Variants in TRPM6 observed in about 807,000 individuals in gnomAD.
The protein encoded by TRPM6 is channel kinase 2.
In TRPM6, 111 loss-of-function variants were observed where a neutral mutation model predicts 247.6. The ratio of observed to expected loss-of-function variants is 0.45; its 90% confidence interval spans 0.38 to 0.52. The LOEUF is 0.52. TRPM6 is among the 20% of genes least tolerant of loss of function. The pLI is 0.00. For missense variants in TRPM6, 2,126 were observed against 2,421.5 expected (o/e 0.88, Z 2.56); for synonymous variants, 892 against 853.8 (o/e 1.04, Z -0.78).
At chr9:74,780,413 C>T (rs1254925704) in intron 23 of TRPM6, among the ~76,000 whole-genome samples, 1 of 150,488 alleles carries the variant, frequency 6.6e-6, no homozygotes, top group Non-Finnish European at 1.5e-5. Flanking sequence ...GAGATCGTGC[C>T]ATTGCACTCT....
Position 74,816,465 on chromosome 9 carries a change from GAAAAAAAAA to G in TRPM6, c.1308+195_1308+203del, listed in dbSNP as rs34100441. Among the ~76,000 whole-genome samples the G allele has an allele frequency of 8.2e-3, 772 of 93,662 alleles. 13 individuals carry two copies. The highest frequency in any genetic ancestry group is 0.03 in the African/African-American group (749 of 24,630). 61.4% of individuals were successfully genotyped at this position (93,662 alleles called of 152,430 possible). On this transcript the variant is annotated intron_variant, in intron 11 of 38. Coordinates refer to ENST00000360774, the MANE Select transcript of TRPM6 (RefSeq NM_017662.5). The stretch of plus-strand genomic sequence containing the variant: ...AGCTTCAGGTAGATTGCAGAGCCAG[GAAAAAAAAA>G]AAAAAAAAAAAAAAACAGATGGTTT...
chr9:74,753,798 C>A (rs987081064), intron 28 of TRPM6, among the ~76,000 whole-genome samples: 1 of 152,020 alleles, frequency 6.6e-6, no homozygotes, highest in Admixed American at 6.6e-5. Context: ...AACTCAGACA[C>A]GTTTCAAAAA....
intron 25 of TRPM6, among the ~76,000 whole-genome samples, chr9:74,771,012 C>A (rs1014238242): frequency 6.6e-6 from 1 of 152,180 alleles, no homozygotes; most frequent in Non-Finnish European, 1.5e-5. Flanking sequence ...GCCGGTCAGA[C>A]GCCCTGAGAA....
At chr9:74,750,187 T>C (rs1826193693) in intron 30 of TRPM6, among the ~76,000 whole-genome samples, 1 of 152,162 alleles carries the variant, frequency 6.6e-6, no homozygotes, top group Non-Finnish European at 1.5e-5. Flanking sequence ...CTTTGATGAT[T>C]AGCATGCTAC....
chr9:74,782,173 A>G (rs1345109513), intron 23 of TRPM6, among the ~76,000 whole-genome samples, 189 bp downstream of exon 23: 1 of 152,158 alleles, frequency 6.6e-6, no homozygotes, highest in African/African-American at 2.4e-5. Context: ...GACTGCATTT[A>G]TTATTTCACT....
chr9:74,727,226 C>T (rs1825360644), intron 38 of TRPM6, among the ~76,000 whole-genome samples: 1 of 151,600 alleles, frequency 6.6e-6, no homozygotes, highest in South Asian at 2.1e-4. Context: ...ACAAAAAATA[C>T]AAAAAATTAG....
Position 74,723,098 on chromosome 9 carries a change from G to C in TRPM6, c.*1515C>G, listed in dbSNP as rs1416246169. The stretch of plus-strand genomic sequence containing the variant: ...TTGTGTGAAAAGCTGGTGCTTGTTC[G>C]AGGTAGGGCAACCAGGCCCAGCATA... On this transcript the variant is annotated 3_prime_UTR_variant, in exon 39 of 39. Transcript: ENST00000360774. 1 of 152,128 alleles carries C rather than the reference G, an allele frequency of 6.6e-6. No homozygotes were observed. The highest frequency in any genetic ancestry group is 1.5e-5 in the Non-Finnish European group (1 of 68,018). The allele number at this position is 152,128 out of a possible 1,614,324, so 9.4% of individuals were successfully genotyped here. A position where few individuals can be genotyped will look rare whatever the true frequency, so the allele number is the denominator to read the frequency against.
At chr9:74,883,940 G>A (rs1393152947) in intron 1 of TRPM6, among the ~76,000 whole-genome samples, 10 of 152,098 alleles carry the variant, frequency 6.6e-5, no homozygotes, top group East Asian at 3.9e-4. Context: ...ACCTGAGGTC[G>A]GGAGTTCGAG....
chr9:74,855,524 T>C lies in TRPM6; in HGVS notation c.152+3A>G. ...AAAGGAATCTTGCTTATCTAAGTCTTACCTGATTAAATTCTGGCAGACTTG... is the reference window on the plus strand; with the variant it reads ...AAAGGAATCTTGCTTATCTAAGTCTCACCTGATTAAATTCTGGCAGACTTG... On this transcript the variant is annotated splice_donor_region_variant and intron_variant, in intron 3 of 38. Transcript: ENST00000360774. 3 of 1,602,876 alleles carry C rather than the reference T, an allele frequency of 1.9e-6. No homozygotes were observed. Among genetic ancestry groups the C allele is most frequent in the South Asian group, 1.1e-5 (1 of 90,854 alleles).
At chr9:74,884,452 G>C (rs916045046) in intron 1 of TRPM6, among the ~76,000 whole-genome samples, 3 of 152,098 alleles carry the variant, frequency 2.0e-5, no homozygotes, top group Non-Finnish European at 1.5e-5. Context: ...TCGTGCCACT[G>C]CACTCCAGCC....
chr9:74,790,022 G>GTC (rs1408164063), intron 19 of TRPM6, among the ~76,000 whole-genome samples: 1 of 149,858 alleles, frequency 6.7e-6, no homozygotes, highest in Non-Finnish European at 1.5e-5. Flanking sequence ...GTGTGTGTGT[G>GTC]TGTGTGTGTG....
intron 38 of TRPM6, 100 bp from the exon 39 acceptor site, chr9:74,724,846 T>G: frequency 6.8e-7 from 1 of 1,464,314 alleles, no homozygotes; most frequent in Non-Finnish European, 9.5e-7. Context: ...TTCAGAGAGA[T>G]CTCCTCTTCC....
chr9:74,837,861 C>T (rs1829784463), intron 5 of TRPM6, among the ~76,000 whole-genome samples: 1 of 151,382 alleles, frequency 6.6e-6, no homozygotes, highest in Admixed American at 6.6e-5. Context: ...GTAAACCTCC[C>T]ACCTCAGCCT....
chr9:74,854,862 G>A (rs567069289), intron 3 of TRPM6, among the ~76,000 whole-genome samples: 2 of 152,036 alleles, frequency 1.3e-5, no homozygotes, highest in Non-Finnish European at 2.9e-5. Flanking sequence ...GCTTTTGTAC[G>A]TCGAGACAGG....
At chr9:74,738,003 G>C (rs548647143) in intron 36 of TRPM6, among the ~76,000 whole-genome samples, 8 of 152,268 alleles carry the variant, frequency 5.3e-5, no homozygotes, top group African/African-American at 1.9e-4. Flanking sequence ...AAGAGAGCAA[G>C]CTAAATTATA....
intron 1 of TRPM6, chr9:74,887,253 C>T (rs1831563540): frequency 1.5e-6 from 2 of 1,302,712 alleles, no homozygotes; most frequent in East Asian, 5.7e-5. Flanking sequence ...TGTCATCGCT[C>T]CGGGACTCCT....
In TRPM6 at chr9:74,840,122, A is replaced by C; in HGVS notation, c.446T>G (p.Phe149Cys). ...VISVHGGIQN[F>C]TMPSKFKEIF... ...CTCTTTAAATTTAGAGGGCATAGTAAAGTTCTGGATGCCCCCATGGACTGA... is the reference window on the plus strand; with the variant it reads ...CTCTTTAAATTTAGAGGGCATAGTACAGTTCTGGATGCCCCCATGGACTGA... Residue 149 changes from phenylalanine to cysteine, a missense_variant, in exon 5 of 39, where the codon TTT (phenylalanine) becomes TGT (cysteine). Transcript: ENST00000360774. The C allele has an allele frequency of 6.2e-7, 1 of 1,614,122 alleles. No individual in the cohort carries two copies. The highest frequency in any genetic ancestry group is 8.5e-7 in the Non-Finnish European group (1 of 1,179,992).
At chr9:74,777,916 T>G (rs1173870397) in intron 23 of TRPM6, among the ~76,000 whole-genome samples, 1 of 152,230 alleles carries the variant, frequency 6.6e-6, no homozygotes, top group Non-Finnish European at 1.5e-5. Flanking sequence ...GTATCCTGTT[T>G]CCTCAAGTTT....
chr9:74,793,880 G>A (rs1400110615), intron 18 of TRPM6, among the ~76,000 whole-genome samples: 1 of 152,156 alleles, frequency 6.6e-6, no homozygotes, highest in Admixed American at 6.5e-5. Flanking sequence ...TCAGTCCAAG[G>A]GAATTAACTC....
Sources: allele counts gnomAD v4.1 joint callset (sites outside exome capture counted in the v4.1 genomes callset), GRCh38; gene constraint gnomAD v4.1.1; transcripts MANE v1.5; gene names NCBI Gene and HGNC (gene_info 2026-07-23, HGNC 2026-07-21).